COL4A5: variants seen among roughly 807,000 people sequenced by gnomAD.
COL4A5 encodes the protein collagen type IV alpha 5 chain, also known as collagen alpha-5(IV) chain.
Under a neutral mutation model 130.2 loss-of-function variants are expected in COL4A5, and 26 were observed. That is an observed-to-expected ratio of 0.20 (90% CI 0.15 to 0.28). The LOEUF is 0.28. Ranked by LOEUF, COL4A5 falls within the 10% of genes least tolerant of loss-of-function variation. The probability of loss-of-function intolerance (pLI) is 1.00; values close to 1 mark genes in which losing one functional copy is unlikely to be tolerated. For missense variants in COL4A5, 1,131 were observed against 1,344.3 expected (o/e 0.84, Z 2.48); for synonymous variants, 496 against 439.6 (o/e 1.13, Z -1.60).
At chrX:108,483,548 A>G (rs1401828205) in intron 1 of COL4A5, among the ~76,000 whole-genome samples, 1 of 111,576 alleles carries the variant, frequency 9.0e-6, no homozygotes, top group Non-Finnish European at 1.9e-5. Flanking sequence ...TTTTGGCAAT[A>G]CCCTCACAGA....
intron 1 of COL4A5, among the ~76,000 whole-genome samples, chrX:108,494,348 G>T (rs1653013150): frequency 9.0e-6 from 1 of 111,664 alleles, no homozygotes; most frequent in Admixed American, 9.5e-5. Flanking sequence ...ATGATAGGAA[G>T]AGCAAAAGAG....
chrX:108,483,806 G>A (rs1000000615), intron 1 of COL4A5, among the ~76,000 whole-genome samples: 1 of 112,261 alleles, frequency 8.9e-6, no homozygotes, highest in East Asian at 2.8e-4. Flanking sequence ...CTTGATAAAA[G>A]CCATTAACTG....
chrX:108,638,995 A>G (rs1308815745), intron 36 of COL4A5, among the ~76,000 whole-genome samples: 2 of 111,400 alleles, frequency 1.8e-5, no homozygotes, highest in African/African-American at 6.5e-5. Context: ...CACAGATTCA[A>G]TGCAACGCCT....
intron 47 of COL4A5, among the ~76,000 whole-genome samples, chrX:108,682,790 A>G (rs905526706): frequency 5.4e-5 from 6 of 111,671 alleles, no homozygotes; most frequent in African/African-American, 1.3e-4. Context: ...GATTCTGGAT[A>G]TTAGCCCTTT....
At chrX:108,474,641 G>T (rs969129159) in intron 1 of COL4A5, among the ~76,000 whole-genome samples, 3 of 111,408 alleles carry the variant, frequency 2.7e-5, no homozygotes, top group African/African-American at 9.8e-5. Context: ...TCCTTTTATT[G>T]CTTGTGCTTT....
chrX:108,598,754 C>CA lies in COL4A5; in HGVS notation c.1833dup (p.Gly612ArgfsTer22). 8.3e-7 allele frequency: 1 copy of CA among 1,210,347 alleles called. No homozygotes were observed. On this transcript the variant is annotated frameshift_variant, in exon 25 of 53. Transcript: ENST00000328300. LOFTEE classifies it high-confidence loss of function. ...GGTCCCCCTGGGAACCCAGGTTTAC[C>CA]AGGCCTCCCAGGGAATATAGGGCCT...
At chrX:108,646,941 T>G (rs1316389887) in intron 36 of COL4A5, among the ~76,000 whole-genome samples, 3 of 109,881 alleles carry the variant, frequency 2.7e-5, no homozygotes, top group Non-Finnish European at 5.7e-5. Context: ...TTGATCTATA[T>G]CTCTGTTTTG....
At chrX:108,600,257 C>T (rs933625817) in intron 25 of COL4A5, among the ~76,000 whole-genome samples, 19 of 111,531 alleles carry the variant, frequency 1.7e-4, no homozygotes, top group African/African-American at 5.2e-4. Flanking sequence ...ATGTATTTTG[C>T]GAAAAGAAAT....
chrX:108,687,421 T>C, intron 48 of COL4A5, 61 bp from the exon 49 acceptor site: 1 of 958,339 alleles, frequency 1.0e-6, no homozygotes, highest in Non-Finnish European at 1.5e-6. Context: ...GTTTTGTCAA[T>C]ATCCATAAGA....
At chrX:108,531,597 G>A (rs1040162876) in intron 1 of COL4A5, among the ~76,000 whole-genome samples, 2 of 110,021 alleles carry the variant, frequency 1.8e-5, no homozygotes, top group African/African-American at 6.6e-5. Context: ...AAAAAAAATA[G>A]CAAAGATCAG....
intron 36 of COL4A5, among the ~76,000 whole-genome samples, chrX:108,636,812 G>A (rs1450662201): frequency 9.0e-6 from 1 of 111,016 alleles, no homozygotes; most frequent in African/African-American, 3.3e-5. Flanking sequence ...TAATCATGAT[G>A]GAGTGAAATT....
intron 21 of COL4A5, 130 bp downstream of exon 21, chrX:108,591,774 C>T (rs987820628): frequency 1.9e-6 from 1 of 535,704 alleles, no homozygotes; most frequent in Admixed American, 2.8e-5. Context: ...ATCTCATTAC[C>T]AATAGTGTTA....
At chrX:108,672,397 A>C (rs1236079339) in intron 42 of COL4A5, among the ~76,000 whole-genome samples, 1 of 111,994 alleles carries the variant, frequency 8.9e-6, no homozygotes, top group African/African-American at 3.2e-5. Flanking sequence ...AAATTTAACA[A>C]TTTATTATTT....
At chrX:108,696,178 A>G in intron 52 of COL4A5, 119 bp from the exon 53 acceptor site, 1 of 592,664 alleles carries the variant, frequency 1.7e-6, no homozygotes, top group Non-Finnish European at 2.9e-6. Context: ...AAAGTAAACC[A>G]TTAAGTCACC....
At chrX:108,513,939 A>G (rs2065200730) in intron 1 of COL4A5, among the ~76,000 whole-genome samples, 1 of 111,843 alleles carries the variant, frequency 8.9e-6, no homozygotes, top group East Asian at 2.8e-4. Flanking sequence ...GCACTTAGTA[A>G]TGAAGTAGGG....
chrX:108,642,375 A>G (rs972095218), intron 36 of COL4A5, among the ~76,000 whole-genome samples: 1 of 111,026 alleles, frequency 9.0e-6, no homozygotes, highest in Non-Finnish European at 1.9e-5. Context: ...GTTCCTCTCC[A>G]TACTACCACA....
At chrX:108,635,144 A>T (rs902066044) in intron 36 of COL4A5, among the ~76,000 whole-genome samples, 2 of 111,105 alleles carry the variant, frequency 1.8e-5, no homozygotes, top group Non-Finnish European at 3.8e-5. Flanking sequence ...CAGAAATTTG[A>T]GTCCTGGGTT....
rs772102695 is a variant in COL4A5 at position 108,502,509 on chromosome X, T to A, written c.82-37237T>A. 2.7e-5 allele frequency among the ~76,000 whole-genome samples: 3 copies of A among 111,075 alleles called. No homozygotes were observed. In the Admixed American group the frequency reaches 2.9e-4, roughly 11 times the overall value. On this transcript the variant is annotated intron_variant, in intron 1 of 52. Transcript: ENST00000328300. ...CATGTTAGTCAGGCTATTCTCGAAC[T>A]CCCGACCTCAGGTGATCTGCCTGCC...
Position 108,603,042 on chromosome X carries a change from C to G in COL4A5, c.2225C>G (p.Pro742Arg). Residue 742 changes from proline (P) to arginine (R), a missense_variant, in exon 28 of 53, where the codon CCC becomes CGC. Transcript: ENST00000328300. ...GGTCTAGAAGGCCCTCCTGGGCCAC[C>G]CGGCTTTCCAGGACCAAAGGTCTGG... is the stretch of plus-strand genomic sequence containing the variant. ...RIGLEGPPGPPGFPGPKGEPG... is the reference protein window; with the variant it reads ...RIGLEGPPGPRGFPGPKGEPG... The G allele has an allele frequency of 1.7e-6, 2 of 1,181,018 alleles. No homozygotes were observed. The highest frequency in any genetic ancestry group is 3.7e-5 in the South Asian group (2 of 54,370).
Sources: gnomAD v4.1 joint callset for allele counts (sites outside exome capture counted in the v4.1 genomes callset) on GRCh38, gnomAD v4.1.1 for gene constraint, MANE v1.5 for transcripts, NCBI Gene and HGNC (gene_info 2026-07-23, HGNC 2026-07-21) for gene names.